PGR: variants seen among roughly 807,000 people sequenced by gnomAD.
The protein encoded by PGR is nuclear receptor subfamily 3 group C member 3.
A neutral mutation model predicts 76.1 loss-of-function variants in PGR; 25 were observed. That is an observed-to-expected ratio of 0.33 (90% CI 0.24 to 0.46). The LOEUF (loss-of-function observed/expected upper bound fraction) is 0.46. Ranked by LOEUF, PGR falls within the 20% of genes least tolerant of loss-of-function variation. The pLI is 1.00. For synonymous variants in PGR, 579 were observed against 535.0 expected, an observed-to-expected ratio of 1.08 and a Z score of -1.14; for missense variants, 1,172 against 1,225.3, an observed-to-expected ratio of 0.96 and a Z score of 0.65.
intron 3 of PGR, among the ~76,000 whole-genome samples, chr11:101,083,284 T>C (rs921032064): frequency 2.6e-5 from 4 of 152,212 alleles, no homozygotes; most frequent in African/African-American, 9.6e-5. Flanking sequence ...TGTATGGAAA[T>C]GCCTGGATGT....
chr11:101,129,522 A>G lies in PGR; in HGVS notation c.-452T>C, dbSNP rs1051288034. ...TTTTTCTCTGGCATCAAACTCGTGC[A>G]TGCTGTGAAGCTCTCAGTCCCTCGC... On this transcript the variant is annotated 5_prime_UTR_variant, in exon 1 of 8. An upstream start codon of the reference 5' UTR is lost. Coordinates refer to ENST00000325455, the MANE Select transcript of PGR (RefSeq NM_000926.4). 4 of 207,160 alleles carry G rather than the reference A, an allele frequency of 1.9e-5. No individual in the cohort carries two copies. The highest frequency in any genetic ancestry group is 2.9e-5 in the Non-Finnish European group (3 of 101,720). The allele number at this position is 207,160 out of a possible 1,614,324, so 12.8% of individuals were successfully genotyped here. A position where few individuals can be genotyped will look rare whatever the true frequency, so the allele number is the denominator to read the frequency against.
At chr11:101,057,543 G>A (rs1434800528) in intron 4 of PGR, among the ~76,000 whole-genome samples, 1 of 152,180 alleles carries the variant, frequency 6.6e-6, no homozygotes, top group Non-Finnish European at 1.5e-5. Context: ...GGGTAGAATA[G>A]AGGATCATTT....
intron 2 of PGR, among the ~76,000 whole-genome samples, chr11:101,110,626 C>G (rs998250567): frequency 1.3e-5 from 2 of 152,116 alleles, no homozygotes. Flanking sequence ...GAAATGACAA[C>G]AAAAGATTTA....
intron 7 of PGR, among the ~76,000 whole-genome samples, chr11:101,039,854 A>G (rs1859639674): frequency 6.6e-6 from 1 of 151,994 alleles, no homozygotes; most frequent in African/African-American, 2.4e-5. Context: ...CTCCCTAGAC[A>G]CAACTACCTT....
chr11:101,068,811 C>T (rs1394089084), intron 3 of PGR, among the ~76,000 whole-genome samples: 1 of 151,780 alleles, frequency 6.6e-6, no homozygotes, highest in Non-Finnish European at 1.5e-5. Flanking sequence ...AACTGGCTAG[C>T]CATATGCAGA....
chr11:101,109,492 G>A (rs12275177), intron 2 of PGR, among the ~76,000 whole-genome samples: 2,944 of 152,272 alleles, frequency 0.019, 77 homozygotes, highest in African/African-American at 0.068. Flanking sequence ...AGAGGATCAC[G>A]CCAGCCACAA....
At chr11:101,070,368 C>G (rs1860885231) in intron 3 of PGR, among the ~76,000 whole-genome samples, 1 of 152,140 alleles carries the variant, frequency 6.6e-6, no homozygotes, top group Non-Finnish European at 1.5e-5. Flanking sequence ...ATCACCAGGG[C>G]CCTGGGTTTC....
intron 2 of PGR, among the ~76,000 whole-genome samples, chr11:101,124,495 CTT>C (rs1374498367): frequency 6.6e-6 from 1 of 152,088 alleles, no homozygotes; most frequent in Non-Finnish European, 1.5e-5. Context: ...ATATTTATGT[CTT>C]TGAGATTTGC....
chr11:101,062,586 T>C lies in PGR; in HGVS notation c.2073A>G (p.Leu691=). ...AGATCACATCTGGTTCAATGCTCAT[T>C]AACAGGTTGATCAGTGGTGGAATCA... is the stretch of plus-strand genomic sequence containing the variant. ...IQLIPPLINL[L]MSIEPDVIYA... The change falls in exon 4 of 8, where the codon TTA becomes TTG. Residue 691 remains leucine, a synonymous_variant. Transcript: ENST00000325455. The C allele has an allele frequency of 5.0e-6, 8 of 1,614,072 alleles. No individual in the cohort carries two copies. The highest frequency in any genetic ancestry group is 6.8e-6 in the Non-Finnish European group (8 of 1,179,958).
intron 2 of PGR, among the ~76,000 whole-genome samples, chr11:101,105,015 G>T (rs11224590): frequency 0.019 from 2,932 of 152,206 alleles, 74 homozygotes; most frequent in African/African-American, 0.068. Context: ...GGGAGTGTTG[G>T]GGAAAGGAAT....
chr11:101,072,962 G>A lies in PGR; in HGVS notation c.1907-10210C>T, dbSNP rs113590262. On this transcript the variant is annotated intron_variant, in intron 3 of 7. Coordinates refer to ENST00000325455, the MANE Select transcript of PGR (RefSeq NM_000926.4). ...ATCCAGGACTTGAACTCAGGCTCTG[G>A]ACCAAGTGGACCTAAGAGACATCTA... 6.6e-5 allele frequency among the ~76,000 whole-genome samples: 10 copies of A among 152,180 alleles called. No individual in the cohort carries two copies. The East Asian group carries it at 1.9e-3, about 29-fold the overall frequency.
chr11:101,077,923 A>G (rs931243039), intron 3 of PGR, among the ~76,000 whole-genome samples: 2 of 152,170 alleles, frequency 1.3e-5, no homozygotes, highest in Non-Finnish European at 2.9e-5. Flanking sequence ...GCCATCACCC[A>G]CAGTAGATCT....
intron 2 of PGR, among the ~76,000 whole-genome samples, chr11:101,105,880 A>G (rs537703897): frequency 6.6e-6 from 1 of 152,348 alleles, no homozygotes; most frequent in East Asian, 1.9e-4. Flanking sequence ...CAAAACGGAT[A>G]TATAGACCAA....
At chr11:101,085,479 T>A (rs574413307) in intron 3 of PGR, among the ~76,000 whole-genome samples, 37 of 121,058 alleles carry the variant, frequency 3.1e-4, no homozygotes, top group African/African-American at 1.1e-3. Context: ...CCTCAAAAAG[T>A]TAGAAAGATC....
chr11:101,086,450 A>G (rs545481118), intron 3 of PGR, among the ~76,000 whole-genome samples: 1 of 152,286 alleles, frequency 6.6e-6, no homozygotes, highest in African/African-American at 2.4e-5. Context: ...TAAAAACAAT[A>G]AGAGACCAAA....
chr11:101,089,960 A>G (rs902725911), intron 3 of PGR, among the ~76,000 whole-genome samples: 1 of 152,214 alleles, frequency 6.6e-6, no homozygotes, highest in Non-Finnish European at 1.5e-5. Flanking sequence ...GCACTTTAGA[A>G]GGCCGAGGTG....
At chr11:101,051,774 T>C (rs1860097070) in intron 4 of PGR, among the ~76,000 whole-genome samples, 1 of 152,166 alleles carries the variant, frequency 6.6e-6, no homozygotes, top group African/African-American at 2.4e-5. Context: ...TTGAAATTAG[T>C]CACTGTGATT....
chr11:101,082,564 T>G (rs1331649566), intron 3 of PGR, among the ~76,000 whole-genome samples: 1 of 141,216 alleles, frequency 7.1e-6, no homozygotes, highest in Non-Finnish European at 1.6e-5. Flanking sequence ...AGTGAGGAAC[T>G]TATTGGGAAC....
chr11:101,062,628 T>C lies in PGR; in HGVS notation c.2031A>G (p.Pro677=). 3.1e-6 allele frequency: 5 copies of C among 1,614,076 alleles called. No homozygotes were observed. The highest frequency in any genetic ancestry group is 4.2e-6 in the Non-Finnish European group (5 of 1,179,962). The change falls in exon 4 of 8, where the codon CCA becomes CCG. Residue 677 remains proline, a synonymous_variant. Transcript: ENST00000325455. ...QALSQRFTFS[P]GQDIQLIPPL... is the part of the protein sequence containing the mutation. ...GTGGAATCAACTGTATGTCTTGACC[T>C]GGTGAAAAAGTGAATCTCTGGCTTA...
Sources: gnomAD v4.1 joint callset for allele counts (sites outside exome capture counted in the v4.1 genomes callset) on GRCh38, gnomAD v4.1.1 for gene constraint, MANE v1.5 for transcripts, NCBI Gene and HGNC (gene_info 2026-07-23, HGNC 2026-07-21) for gene names.